Variants in TMEM135 observed in about 807,000 individuals in gnomAD.
The protein encoded by TMEM135 is transmembrane protein 135.
TMEM135 carries 30 observed loss-of-function variants against 60.3 expected under a neutral mutation model. The observed-to-expected ratio is 0.50, with a 90% CI of 0.37 to 0.68. TMEM135 has a LOEUF of 0.68. Among genes scored for constraint, TMEM135 ranks in the 30% least tolerant of loss-of-function variants. The pLI is 0.00. For synonymous variants in TMEM135, 190 were observed against 186.7 expected (o/e 1.02, Z -0.14); for missense variants, 468 against 548.8 (o/e 0.85, Z 1.47).
At chr11:87,265,900 GTAATT>G (rs1941738616) in intron 6 of TMEM135, among the ~76,000 whole-genome samples, 1 of 152,104 alleles carries the variant, frequency 6.6e-6, no homozygotes, top group Non-Finnish European at 1.5e-5. Context: ...TTCTGAGAAA[GTAATT>G]TAAGATCTCT....
intron 6 of TMEM135, among the ~76,000 whole-genome samples, chr11:87,287,520 T>C (rs942138695): frequency 2.0e-5 from 3 of 151,936 alleles, no homozygotes; most frequent in Non-Finnish European, 2.9e-5. Context: ...CTACTAAAAA[T>C]ACAAAAATTA....
chr11:87,169,436 G>T (rs1373153507), intron 5 of TMEM135, among the ~76,000 whole-genome samples: 1 of 151,692 alleles, frequency 6.6e-6, no homozygotes, highest in Non-Finnish European at 1.5e-5. Flanking sequence ...GCAGTGGCTG[G>T]TACTGGTTTT....
intron 1 of TMEM135, among the ~76,000 whole-genome samples, chr11:87,039,622 T>G (rs1405213915): frequency 6.6e-6 from 1 of 152,224 alleles, no homozygotes; most frequent in Non-Finnish European, 1.5e-5. Context: ...CTGGCTGGAG[T>G]GCAGTGGCGC....
At chr11:87,237,145 A>T (rs1488476281) in intron 6 of TMEM135, among the ~76,000 whole-genome samples, 1 of 151,956 alleles carries the variant, frequency 6.6e-6, no homozygotes, top group African/African-American at 2.4e-5. Context: ...ATTGTTTGTT[A>T]TAATGTCAAA....
intron 12 of TMEM135, among the ~76,000 whole-genome samples, chr11:87,316,700 A>G (rs181070548): frequency 7.3e-4 from 111 of 152,102 alleles, no homozygotes; most frequent in African/African-American, 2.6e-3. Flanking sequence ...TTAGGTGGCA[A>G]AAATATATTC....
Position 87,226,926 on chromosome 11 carries a change from A to G in TMEM135, c.463-9712A>G, listed in dbSNP as rs193247369. 2.1e-3 allele frequency among the ~76,000 whole-genome samples: 315 copies of G among 152,226 alleles called. 6 individuals are homozygous for G. The highest frequency in any genetic ancestry group is 7.1e-3 in the African/African-American group (295 of 41,556). On this transcript the variant is annotated intron_variant, in intron 5 of 14. Coordinates refer to ENST00000305494, the MANE Select transcript of TMEM135 (RefSeq NM_022918.4). The stretch of plus-strand genomic sequence containing the variant: ...TAGCTGGGTGTGGTGGCAAATGCCT[A>G]TAATCCCAGCTGCTAGAGAGGCTGA...
chr11:87,152,744 G>A (rs1289644908), intron 4 of TMEM135, among the ~76,000 whole-genome samples: 1 of 152,102 alleles, frequency 6.6e-6, no homozygotes, highest in Non-Finnish European at 1.5e-5. Context: ...CGGCCCTTAT[G>A]TTATTTTTGA....
At chr11:87,245,961 A>G (rs1591134704) in intron 6 of TMEM135, among the ~76,000 whole-genome samples, 1 of 123,040 alleles carries the variant, frequency 8.1e-6, no homozygotes, top group African/African-American at 3.1e-5. Context: ...GGTCTTTACA[A>G]TTTGGCATGA....
chr11:87,210,530 A>G (rs891431631), intron 5 of TMEM135, among the ~76,000 whole-genome samples: 1 of 152,146 alleles, frequency 6.6e-6, no homozygotes, highest in Non-Finnish European at 1.5e-5. Context: ...TAAAAAGCTT[A>G]CTGACCAACA....
intron 9 of TMEM135, 80 bp downstream of exon 9, chr11:87,306,085 AAAT>A: frequency 1.2e-6 from 1 of 856,280 alleles, no homozygotes; most frequent in East Asian, 3.2e-5. Flanking sequence ...AATAATTTAA[AAAT>A]AAATGGAAAA....
At chr11:87,260,329 G>T (rs1030405488) in intron 6 of TMEM135, among the ~76,000 whole-genome samples, 2 of 152,146 alleles carry the variant, frequency 1.3e-5, no homozygotes, top group Admixed American at 6.5e-5. Context: ...CTTCCTTGCA[G>T]GGTGTCATTG....
At chr11:87,073,616 A>AT (rs1339924611) in intron 3 of TMEM135, among the ~76,000 whole-genome samples, 1 of 152,146 alleles carries the variant, frequency 6.6e-6, no homozygotes, top group African/African-American at 2.4e-5. Flanking sequence ...ACTGCGTGAT[A>AT]TTCATTACTT....
chr11:87,236,723 C>G (rs567403), intron 6 of TMEM135, 39 bp downstream of exon 6: 134,466 of 1,562,974 alleles, frequency 0.086, 6,432 homozygotes, highest in South Asian at 0.12. Flanking sequence ...ATACCCCAAA[C>G]AGTATCTCTT....
chr11:87,159,593 G>GCGCGCACACACA (rs56665411), intron 5 of TMEM135, among the ~76,000 whole-genome samples: 1 of 124,880 alleles, frequency 8.0e-6, no homozygotes, highest in African/African-American at 2.8e-5. Flanking sequence ...ACACACACGC[G>GCGCGCACACACA]CACACACACA....
intron 4 of TMEM135, among the ~76,000 whole-genome samples, chr11:87,105,622 TAAATG>T (rs1225892024): frequency 6.6e-6 from 1 of 152,186 alleles, no homozygotes; most frequent in Non-Finnish European, 1.5e-5. Flanking sequence ...TAAAAACACT[TAAATG>T]GATATATATT....
intron 4 of TMEM135, among the ~76,000 whole-genome samples, chr11:87,146,402 G>T (rs1303838508): frequency 6.6e-6 from 1 of 152,144 alleles, no homozygotes; most frequent in African/African-American, 2.4e-5. Flanking sequence ...AGCCTCTGGA[G>T]TACTTGGGAG....
intron 4 of TMEM135, among the ~76,000 whole-genome samples, chr11:87,125,233 G>A (rs1168927680): frequency 1.3e-5 from 2 of 152,166 alleles, no homozygotes; most frequent in African/African-American, 2.4e-5. Flanking sequence ...TAGCCAATGC[G>A]CTGTCTTTGT....
intron 4 of TMEM135, among the ~76,000 whole-genome samples, chr11:87,125,056 TGACTC>T (rs1331071814): frequency 1.3e-5 from 2 of 151,976 alleles, no homozygotes; most frequent in Non-Finnish European, 2.9e-5. Context: ...GTACTTGACT[TGACTC>T]GTTAGAACTT....
chr11:87,297,416 TTAC>T (rs1301049975), intron 7 of TMEM135, among the ~76,000 whole-genome samples: 1 of 152,186 alleles, frequency 6.6e-6, no homozygotes, highest in Non-Finnish European at 1.5e-5. Context: ...ACAACACTAA[TTAC>T]TGTTATTTTT....
Sources: gnomAD v4.1 joint callset for allele counts (sites outside exome capture counted in the v4.1 genomes callset) on GRCh38, gnomAD v4.1.1 for gene constraint, MANE v1.5 for transcripts, NCBI Gene and HGNC (gene_info 2026-07-23, HGNC 2026-07-21) for gene names.